The following TENM3 variants were observed in gnomAD, a reference collection of about 807,000 sequenced individuals.
TENM3 encodes teneurin-3.
TENM3 carries 63 observed loss-of-function variants against 255.1 expected under a neutral mutation model. The observed-to-expected ratio is 0.25, with a 90% CI of 0.20 to 0.30. The LOEUF (loss-of-function observed/expected upper bound fraction) is 0.30, where lower values mean the gene tolerates loss of function less well. Ranked by LOEUF, TENM3 falls within the 10% of genes least tolerant of loss-of-function variation. The probability of loss-of-function intolerance (pLI) is 1.00; values close to 1 mark genes in which losing one functional copy is unlikely to be tolerated. For missense variants in TENM3, 2,929 were observed against 3,461.1 expected (o/e 0.85, Z 3.86); for synonymous variants, 1,306 against 1,322.3 (o/e 0.99, Z 0.27).
the TENM3 span, among the ~76,000 whole-genome samples, chr4:182,042,854 C>T: frequency 8.8e-4 from 129 of 146,248 alleles, no homozygotes; most frequent in African/African-American, 3.1e-3. Flanking sequence ...AATTAATTTT[C>T]GATCCAAAAC....
the TENM3 span, among the ~76,000 whole-genome samples, chr4:181,888,494 G>GTATATATATGTATATATATATATA: frequency 2.0e-3 from 57 of 28,208 alleles, 2 homozygotes; most frequent in East Asian, 5.3e-3. Flanking sequence ...ATAGAAATGT[G>GTATATATATGTATATATATATATA]TATATATATA....
intron 1 of TENM3, among the ~76,000 whole-genome samples, chr4:182,218,869 C>T (rs549144506): frequency 6.6e-6 from 1 of 152,276 alleles, no homozygotes; most frequent in South Asian, 2.1e-4. Flanking sequence ...AAGAAAGTGG[C>T]CACAAATTAT....
chr4:181,888,526 A>ATG, the TENM3 span, among the ~76,000 whole-genome samples: 2 of 87,724 alleles, frequency 2.3e-5, no homozygotes, highest in African/African-American at 1.2e-4. Flanking sequence ...GTATATATAT[A>ATG]CATATATGTG....
At chr4:181,994,083 A>G in the TENM3 span, among the ~76,000 whole-genome samples, 2 of 152,158 alleles carry the variant, frequency 1.3e-5, no homozygotes, top group Non-Finnish European at 2.9e-5. Context: ...TGTTCACTAT[A>G]TTTGTGAAAC....
chr4:181,805,270 C>T, the TENM3 span, among the ~76,000 whole-genome samples: 1 of 152,216 alleles, frequency 6.6e-6, no homozygotes, highest in Non-Finnish European at 1.5e-5. Context: ...ACCACCACTC[C>T]ACCCGCTCCA....
the TENM3 span, among the ~76,000 whole-genome samples, chr4:181,986,081 G>A: frequency 6.6e-6 from 1 of 152,024 alleles, no homozygotes; most frequent in Non-Finnish European, 1.5e-5. Context: ...AACGACCAAG[G>A]GTTTCCGTTT....
At chr4:181,966,506 T>C in the TENM3 span, among the ~76,000 whole-genome samples, 1 of 152,178 alleles carries the variant, frequency 6.6e-6, no homozygotes, top group South Asian at 2.1e-4. Context: ...GGCTGAAAAA[T>C]CCATTCAAGA....
At chr4:181,517,247 T>G in the TENM3 span, among the ~76,000 whole-genome samples, 1 of 152,298 alleles carries the variant, frequency 6.6e-6, no homozygotes, top group Non-Finnish European at 1.5e-5. Flanking sequence ...CATTGCCCAT[T>G]TTCTTATTTT....
chr4:181,663,754 T>C, the TENM3 span, among the ~76,000 whole-genome samples: 1 of 152,102 alleles, frequency 6.6e-6, no homozygotes, highest in African/African-American at 2.4e-5. Flanking sequence ...AATGGGCAAC[T>C]TTTCCTTGAT....
intron 13 of TENM3, among the ~76,000 whole-genome samples, chr4:182,723,142 T>G (rs534870452): frequency 5.3e-5 from 8 of 152,292 alleles, no homozygotes; most frequent in African/African-American, 1.9e-4. Flanking sequence ...TTCAGGAGAA[T>G]GACCAGCCTG....
intron 3 of TENM3, among the ~76,000 whole-genome samples, chr4:182,470,575 A>C (rs1183402352): frequency 1.3e-5 from 2 of 152,198 alleles, no homozygotes; most frequent in African/African-American, 4.8e-5. Context: ...AAGAGAAGAG[A>C]AAAGGGTCAT....
chr4:181,589,891 C>T, the TENM3 span, among the ~76,000 whole-genome samples: 2 of 152,184 alleles, frequency 1.3e-5, no homozygotes, highest in Non-Finnish European at 2.9e-5. Flanking sequence ...GAGAGGACAT[C>T]TCTCACATGG....
At chr4:181,750,706 G>T in the TENM3 span, among the ~76,000 whole-genome samples, 2 of 152,070 alleles carry the variant, frequency 1.3e-5, no homozygotes, top group African/African-American at 4.8e-5. Flanking sequence ...CAAAGAGGCC[G>T]CAACTTTCTC....
the TENM3 span, among the ~76,000 whole-genome samples, chr4:181,500,182 C>G: frequency 1.3e-5 from 2 of 151,938 alleles, no homozygotes; most frequent in Non-Finnish European, 2.9e-5. Flanking sequence ...GCATGTGTCA[C>G]CATGCCCGGC....
chr4:182,029,240 T>C, the TENM3 span, among the ~76,000 whole-genome samples: 1 of 152,028 alleles, frequency 6.6e-6, no homozygotes, highest in Non-Finnish European at 1.5e-5. Context: ...CAGGGGGTTC[T>C]CATGAATGGT....
chr4:182,601,057 T>C lies in TENM3; in HGVS notation c.645T>C (p.Ser215=). ...RNSLTNRRNQ[S]PAPPAALPAE... ...CCCTGACCAATAGAAGGAACCAGAGTCCGGCCCCGCCGGCTGCTTTGCCCG... is the reference window on the plus strand; with the variant it reads ...CCCTGACCAATAGAAGGAACCAGAGCCCGGCCCCGCCGGCTGCTTTGCCCG... The change falls in exon 4 of 28, where the codon AGT becomes AGC. Residue 215 remains serine (S), a synonymous_variant. Coordinates refer to ENST00000511685, the MANE Select transcript of TENM3 (RefSeq NM_001080477.4). The C allele has an allele frequency of 6.2e-7, 1 of 1,613,736 alleles. No individual in the cohort carries two copies. The highest frequency in any genetic ancestry group is 8.5e-7 in the Non-Finnish European group (1 of 1,179,828).
At chr4:181,617,801 G>C in the TENM3 span, among the ~76,000 whole-genome samples, 1,880 of 152,248 alleles carry the variant, frequency 0.012, 47 homozygotes, top group African/African-American at 0.043. Flanking sequence ...GAGTAAACTG[G>C]ATACCCTACA....
chr4:182,638,766 T>TA (rs1752059060), intron 5 of TENM3, among the ~76,000 whole-genome samples: 1 of 152,196 alleles, frequency 6.6e-6, no homozygotes, highest in African/African-American at 2.4e-5. Context: ...CTTATCACCC[T>TA]AATACTTTAG....
chr4:181,902,024 A>G, the TENM3 span, among the ~76,000 whole-genome samples: 1 of 152,158 alleles, frequency 6.6e-6, no homozygotes, highest in African/African-American at 2.4e-5. Flanking sequence ...AATTAGAGCC[A>G]TATGATACCA....
Sources: allele counts gnomAD v4.1 joint callset (sites outside exome capture counted in the v4.1 genomes callset), GRCh38; gene constraint gnomAD v4.1.1; transcripts MANE v1.5; gene names NCBI Gene and HGNC (gene_info 2026-07-23, HGNC 2026-07-21).